The following HIPK2 variants were observed in gnomAD, a reference collection of about 807,000 sequenced individuals.
HIPK2 encodes homeodomain interacting protein kinase 2.
Under a neutral mutation model 113.7 loss-of-function variants are expected in HIPK2, and 27 were observed. That is an observed-to-expected ratio of 0.24 (90% CI 0.17 to 0.33). HIPK2 has a LOEUF of 0.33. Ranked by LOEUF, HIPK2 falls within the 10% of genes least tolerant of loss-of-function variation. HIPK2 has a pLI of 1.00. For synonymous variants in HIPK2, 631 were observed against 642.2 expected (o/e 0.98, Z 0.26); for missense variants, 1,257 against 1,588.0 (o/e 0.79, Z 3.54).
Position 139,754,949 on chromosome 7 carries a change from C to A in HIPK2, c.19+22656G>T, listed in dbSNP as rs146406509. ...ATGGTTCATACGGATGATACCACCA[C>A]GGCACAGAGATCTCCATAAGTACTT... On this transcript the variant is annotated intron_variant, in intron 1 of 14. Coordinates refer to ENST00000406875, the MANE Select transcript of HIPK2 (RefSeq NM_022740.5). 2.0e-5 allele frequency among the ~76,000 whole-genome samples: 3 copies of A among 152,158 alleles called. No individual in the cohort carries two copies. The East Asian group carries it at 5.8e-4, about 29-fold the overall frequency.
chr7:139,573,293 G>A lies in HIPK2; in HGVS notation c.3231C>T (p.Ser1077=), dbSNP rs769961103. The change falls in exon 15 of 15, where the codon AGC becomes AGT. Residue 1077 remains serine (S), a synonymous_variant. Coordinates refer to ENST00000406875, the MANE Select transcript of HIPK2 (RefSeq NM_022740.5). The part of the protein sequence containing the change: ...AQAPYSFPHN[S]PSHGTVHPHL... Reference sequence around the variant, plus strand: ...GCGGGTGCACAGTGCCGTGGCTGGGGCTGTTGTGCGGGAAGGAGTACGGAG... The same window carrying A: ...GCGGGTGCACAGTGCCGTGGCTGGGACTGTTGTGCGGGAAGGAGTACGGAG... The A allele has an allele frequency of 1.2e-6, 2 of 1,605,032 alleles. No homozygotes were observed. Among genetic ancestry groups the A allele is most frequent in the Non-Finnish European group, 1.7e-6 (2 of 1,179,826 alleles).
In HIPK2 at chr7:139,614,323, G is replaced by A. The variant is rs1799945214; in HGVS notation, c.1953C>T (p.Phe651=). The part of the protein sequence containing the change: ...TAQICARPDP[F]QQALIVCPPG... ...GGGGACACACGATGAGAGCTTGCTG[G>A]AACGGGTCAGGCCGGGCACAAATCT... is the stretch of plus-strand genomic sequence containing the variant. The change falls in exon 8 of 15, where the codon TTC becomes TTT. Residue 651 remains phenylalanine, a synonymous_variant. Coordinates refer to ENST00000406875, the MANE Select transcript of HIPK2 (RefSeq NM_022740.5). 1.3e-6 allele frequency: 2 copies of A among 1,557,878 alleles called. No individual in the cohort carries two copies. Among genetic ancestry groups the A allele is most frequent in the Non-Finnish European group, 1.7e-6 (2 of 1,143,412 alleles).
intron 2 of HIPK2, among the ~76,000 whole-genome samples, chr7:139,703,140 C>T (rs1794762327): frequency 6.6e-6 from 1 of 152,112 alleles, no homozygotes; most frequent in African/African-American, 2.4e-5. Flanking sequence ...TTAATATTAT[C>T]AACAATTTCC....
intron 13 of HIPK2, 185 bp downstream of exon 13, chr7:139,583,630 TTA>T: frequency 2.6e-6 from 2 of 761,896 alleles, no homozygotes; most frequent in Non-Finnish European, 4.2e-6. Context: ...AAAACGCTGC[TTA>T]TACAATGTGC....
At position 139,631,753 on chromosome 7, in the gene HIPK2, T is replaced by C. The variant is rs375276276; in HGVS notation, c.1104-28A>G. 2.5e-4 allele frequency: 395 copies of C among 1,601,240 alleles called. 1 individual carries two copies. Among genetic ancestry groups the C allele is most frequent in the Admixed American group, 2.8e-4 (16 of 57,234 alleles). ...GAAAAGGAAGAATGGAAGAAACCAT[T>C]AGCAAGTTGGAAATGCAGGAAGCTG... On this transcript the variant is annotated intron_variant, in intron 2 of 14. Transcript: ENST00000406875. The surrounding 1 kb of genome is among the most constrained non-coding windows in gnomAD (Gnocchi z 4.9).
At chr7:139,609,856 C>T (rs1286814362) in intron 9 of HIPK2, among the ~76,000 whole-genome samples, 1 of 152,140 alleles carries the variant, frequency 6.6e-6, no homozygotes, top group Non-Finnish European at 1.5e-5. Flanking sequence ...CTCTGCATGT[C>T]AAGACACAAA....
rs73735019 is a variant in HIPK2, at chr7:139,602,481, G to A, written c.2255+1600C>T. Among the ~76,000 whole-genome samples the A allele has an allele frequency of 1.3e-3, 197 of 152,332 alleles. 2 individuals are homozygous for A. Among genetic ancestry groups the A allele is most frequent in the African/African-American group, 4.5e-3 (189 of 41,570 alleles). On this transcript the variant is annotated intron_variant, in intron 10 of 14. Coordinates refer to ENST00000406875, the MANE Select transcript of HIPK2 (RefSeq NM_022740.5). ...TAAGAGATGTCAAAACGAAAGGAAG[G>A]AGGGAGGAGGAATAAGAAAATATGT...
chr7:139,674,953 G>C (rs1802444189), intron 2 of HIPK2, among the ~76,000 whole-genome samples: 1 of 152,148 alleles, frequency 6.6e-6, no homozygotes, highest in South Asian at 2.1e-4. Context: ...TGTCCTGGAA[G>C]TTCGCACACT....
rs1394105552 is a variant in HIPK2, at chr7:139,777,659, A to G, written c.-36T>C. The G allele has an allele frequency of 1.8e-6, 2 of 1,089,270 alleles. No homozygotes were observed. Among genetic ancestry groups the G allele is most frequent in the Non-Finnish European group, 2.2e-6 (2 of 896,164 alleles). 67.5% of individuals were successfully genotyped at this position (1,089,270 alleles called of 1,614,324 possible). A position where few individuals can be genotyped will look rare whatever the true frequency, so the allele number is the denominator to read the frequency against. ...GTGTCCGCGGTTCATGGCAACGGGG[A>G]CGGGAAAGCGGCGCGCGAGCTCGGC... is the stretch of plus-strand genomic sequence containing the variant. On this transcript the variant is annotated 5_prime_UTR_variant, in exon 1 of 15. Transcript: ENST00000406875.
intron 11 of HIPK2, among the ~76,000 whole-genome samples, chr7:139,598,548 A>G (rs374274169): frequency 3.9e-4 from 59 of 152,354 alleles, no homozygotes; most frequent in African/African-American, 1.3e-3. Flanking sequence ...ATCACCAACA[A>G]GGGAGAGACT....
In HIPK2 at chr7:139,562,108, AAAC is replaced by A. The variant is rs1797964563; in HGVS notation, c.*10816_*10818del. ...ACAACACATTGGTTTGTCTTTAAAA[AAAC>A]AAAAGTAGACATTTATAAATAAAAA... is the stretch of plus-strand genomic sequence containing the variant. On this transcript the variant is annotated 3_prime_UTR_variant, in exon 15 of 15. Transcript: ENST00000406875. 1 of 152,270 alleles carries A rather than the reference AAAC, an allele frequency of 6.6e-6. No homozygotes were observed. Among genetic ancestry groups the A allele is most frequent in the Non-Finnish European group, 1.5e-5 (1 of 68,046 alleles). 9.4% of individuals were successfully genotyped at this position (152,270 alleles called of 1,614,324 possible).
At chr7:139,652,239 G>A (rs1801489280) in intron 2 of HIPK2, among the ~76,000 whole-genome samples, 1 of 152,198 alleles carries the variant, frequency 6.6e-6, no homozygotes, top group South Asian at 2.1e-4. Context: ...TCCTTCCTAG[G>A]TGGGCAAGTG....
intron 2 of HIPK2, among the ~76,000 whole-genome samples, chr7:139,654,925 A>T (rs908839150): frequency 3.9e-5 from 6 of 152,188 alleles, no homozygotes; most frequent in Non-Finnish European, 1.5e-5. Flanking sequence ...TGCGAGTGGG[A>T]GGTTGAATAG....
At position 139,716,038 on chromosome 7, in the gene HIPK2, C is replaced by T. The variant is rs778706926; in HGVS notation, c.997G>A (p.Val333Met). Residue 333 changes from valine (V) to methionine (M), a missense_variant, in exon 2 of 15, where the codon GTG becomes ATG. Around this residue, in one of 5 missense-constraint regions of HIPK2, gnomAD observed 84 missense variants for 182.2 expected, o/e 0.46. Coordinates refer to ENST00000406875, the MANE Select transcript of HIPK2 (RefSeq NM_022740.5). The surrounding 1 kb of genome is among the most constrained non-coding windows in gnomAD (Gnocchi z 9.3). ...CTGTATGGTTGTCTAGATGGATCCA[C>T]CAGCATGATGTTTTCTGGTTTGAGG... is the stretch of plus-strand genomic sequence containing the variant. ...ADLKPENIML[V>M]DPSRQPYRVK... is the part of the protein sequence containing the mutation. 1 of 1,614,070 alleles carries T rather than the reference C, an allele frequency of 6.2e-7. No individual in the cohort carries two copies. Among genetic ancestry groups the T allele is most frequent in the Non-Finnish European group, 8.5e-7 (1 of 1,179,972 alleles).
chr7:139,586,613 T>TA (rs1314011484), intron 12 of HIPK2, among the ~76,000 whole-genome samples: 1 of 150,766 alleles, frequency 6.6e-6, no homozygotes. Flanking sequence ...TACAAACAAT[T>TA]AAAAAAATAA....
chr7:139,767,109 C>A (rs1364363867), intron 1 of HIPK2, among the ~76,000 whole-genome samples: 3 of 152,228 alleles, frequency 2.0e-5, no homozygotes, highest in Non-Finnish European at 4.4e-5. Flanking sequence ...ACCAAAACAA[C>A]CACCATCTGA....
intron 1 of HIPK2, among the ~76,000 whole-genome samples, chr7:139,745,684 G>A (rs1314134203): frequency 6.6e-6 from 1 of 152,088 alleles, no homozygotes; most frequent in Non-Finnish European, 1.5e-5. Flanking sequence ...CAGTGGCTGA[G>A]GCTAAGCACC....
At chr7:139,706,581 T>A (rs1294415808) in intron 2 of HIPK2, among the ~76,000 whole-genome samples, 2 of 152,200 alleles carry the variant, frequency 1.3e-5, no homozygotes, top group East Asian at 3.8e-4. Flanking sequence ...ACAGAGTAAC[T>A]GAGCTCAACC....
chr7:139,767,698 ATGTATGAGACCAAGG>A (rs1796575360), intron 1 of HIPK2, among the ~76,000 whole-genome samples: 1 of 152,266 alleles, frequency 6.6e-6, no homozygotes, highest in African/African-American at 2.4e-5. Flanking sequence ...AAGCAATCAT[ATGTATGAGACCAAGG>A]TTGAGGAGGA....
Sources: gnomAD v4.1 joint callset for allele counts (sites outside exome capture counted in the v4.1 genomes callset) on GRCh38, gnomAD v4.1.1 for gene constraint, gnomAD v4.1.1 regional missense constraint, Gnocchi (gnomAD v3.1) non-coding constraint, MANE v1.5 for transcripts, NCBI Gene and HGNC (gene_info 2026-07-23, HGNC 2026-07-21) for gene names.